SPAG16: variants seen among roughly 807,000 people sequenced by gnomAD.
SPAG16 encodes sperm-associated antigen 16 protein.
In SPAG16, 86 loss-of-function variants were observed where a neutral mutation model predicts 80.4. The ratio of observed to expected loss-of-function variants is 1.07; its 90% CI spans 0.90 to 1.28. SPAG16 has a LOEUF of 1.28. Among genes scored for constraint, SPAG16 ranks in the 50% most tolerant of loss-of-function variants. The pLI, the probability that SPAG16 is intolerant of heterozygous loss-of-function variation, is 0.00. For missense variants in SPAG16, 870 were observed against 765.3 expected, an observed-to-expected ratio of 1.14 and a Z score of -1.61; for synonymous variants, 294 against 265.9, an observed-to-expected ratio of 1.11 and a Z score of -1.03.
chr2:214,337,642 G>T (rs1235987079), intron 15 of SPAG16, among the ~76,000 whole-genome samples: 1 of 152,148 alleles, frequency 6.6e-6, no homozygotes, highest in African/African-American at 2.4e-5. Flanking sequence ...ACAGGAAAGT[G>T]CATGGCTATA....
Position 213,375,128 on chromosome 2 carries a change from T to C in SPAG16, c.942+9T>C, listed in dbSNP as rs1426205347. On this transcript the variant is annotated intron_variant, in intron 9 of 15. Coordinates refer to ENST00000331683, the MANE Select transcript of SPAG16 (RefSeq NM_024532.5). ...TGAAAGGCAATACAAAGGTATGATA[T>C]TTGTTTTTGTTTGCATTAAGTCATA... 3 of 1,557,916 alleles carry C rather than the reference T, an allele frequency of 1.9e-6. No individual in the cohort carries two copies. Among genetic ancestry groups the C allele is most frequent in the East Asian group, 2.3e-5 (1 of 44,348 alleles).
chr2:213,372,763 C>T (rs2066704663), intron 8 of SPAG16, among the ~76,000 whole-genome samples: 1 of 151,990 alleles, frequency 6.6e-6, no homozygotes, highest in Non-Finnish European at 1.5e-5. Context: ...TTAAAAAATT[C>T]TCTTTTCAGT....
chr2:213,301,824 C>A (rs1476257717), intron 3 of SPAG16, among the ~76,000 whole-genome samples: 3 of 152,124 alleles, frequency 2.0e-5, no homozygotes, highest in Non-Finnish European at 4.4e-5. Context: ...AGACCCTGAG[C>A]CTTAATGGAT....
At chr2:213,983,427 G>A (rs1043364556) in intron 12 of SPAG16, among the ~76,000 whole-genome samples, 1 of 151,804 alleles carries the variant, frequency 6.6e-6, no homozygotes, top group Non-Finnish European at 1.5e-5. Context: ...TTGGTTTCTG[G>A]ATAAGATTTT....
At chr2:213,811,010 G>T (rs1375876348) in intron 10 of SPAG16, among the ~76,000 whole-genome samples, 1 of 152,126 alleles carries the variant, frequency 6.6e-6, no homozygotes, top group Non-Finnish European at 1.5e-5. Flanking sequence ...TGGAAAACAA[G>T]GGTGTAGTAG....
chr2:213,764,796 A>C (rs2068845194), intron 10 of SPAG16, among the ~76,000 whole-genome samples: 2 of 152,182 alleles, frequency 1.3e-5, no homozygotes, highest in South Asian at 4.1e-4. Context: ...TGAAGTATGT[A>C]ATATATTCAA....
In SPAG16 at chr2:213,557,108, T is replaced by A. The variant is rs920642346; in HGVS notation, c.1070+67018T>A. The stretch of plus-strand genomic sequence containing the variant: ...TGTTATTTGTGGGTTTTTTTCTCAG[T>A]AAATAAGTTGTATTTTCCAGTCAGG... On this transcript the variant is annotated intron_variant, in intron 10 of 15. Transcript: ENST00000331683. Among the ~76,000 whole-genome samples the A allele has an allele frequency of 3.3e-5, 5 of 152,256 alleles. No individual in the cohort carries two copies. The East Asian group carries it at 9.6e-4, about 29-fold the overall frequency.
intron 5 of SPAG16, among the ~76,000 whole-genome samples, chr2:213,324,821 C>G (rs2063773972): frequency 1.3e-5 from 2 of 152,198 alleles, no homozygotes; most frequent in South Asian, 4.1e-4. Flanking sequence ...CGTACATATT[C>G]CCACATTCAA....
intron 10 of SPAG16, among the ~76,000 whole-genome samples, chr2:213,765,276 G>A (rs921080940): frequency 5.9e-5 from 9 of 152,170 alleles, no homozygotes; most frequent in Non-Finnish European, 1.3e-4. Context: ...GACTGAGGCA[G>A]GCGAATTGCT....
chr2:214,037,718 A>G (rs1261354861), intron 13 of SPAG16, among the ~76,000 whole-genome samples: 1 of 152,126 alleles, frequency 6.6e-6, no homozygotes, highest in Non-Finnish European at 1.5e-5. Flanking sequence ...ATAGATATTG[A>G]TAGTTGTCAT....
chr2:213,724,345 T>C (rs1449591477), intron 10 of SPAG16, among the ~76,000 whole-genome samples: 1 of 152,170 alleles, frequency 6.6e-6, no homozygotes, highest in South Asian at 2.1e-4. Flanking sequence ...TGACAGAAAT[T>C]GGTAACTTTA....
chr2:214,037,844 GTTA>G (rs1340227276), intron 13 of SPAG16, among the ~76,000 whole-genome samples: 2 of 145,300 alleles, frequency 1.4e-5, no homozygotes, highest in Non-Finnish European at 3.0e-5. Flanking sequence ...CCTTTGCTCT[GTTA>G]TTATTCCCAG....
chr2:213,825,759 C>G (rs1479142429), intron 10 of SPAG16, among the ~76,000 whole-genome samples: 6 of 133,778 alleles, frequency 4.5e-5, no homozygotes, highest in Non-Finnish European at 1.5e-5. Flanking sequence ...TCATGGTTAA[C>G]AGTGGACTCA....
intron 13 of SPAG16, among the ~76,000 whole-genome samples, chr2:214,042,001 T>TATATAC (rs1559725970): frequency 1.6e-5 from 2 of 127,338 alleles, no homozygotes; most frequent in Admixed American, 7.8e-5. Context: ...TATATATATA[T>TATATAC]ATATATACAC....
Position 213,689,528 on chromosome 2 carries a change from C to CTT in SPAG16, c.1071-172931_1071-172930dup, listed in dbSNP as rs397873153. 8.7e-4 allele frequency among the ~76,000 whole-genome samples: 47 copies of CTT among 54,236 alleles called. 5 individuals are homozygous for CTT. Among genetic ancestry groups the CTT allele is most frequent in the East Asian group, 2.3e-3 (3 of 1,324 alleles). 35.6% of individuals were successfully genotyped at this position (54,236 alleles called of 152,430 possible). A position where few individuals can be genotyped will look rare whatever the true frequency, so the allele number is the denominator to read the frequency against. On this transcript the variant is annotated intron_variant, in intron 10 of 15. Coordinates refer to ENST00000331683, the MANE Select transcript of SPAG16 (RefSeq NM_024532.5). ...CTTAGAACAGAATTTAGTGCTGGGG[C>CTT]TTTTTTTTTTTTTTTTTTTTTTTTT...
intron 14 of SPAG16, among the ~76,000 whole-genome samples, chr2:214,144,947 T>C (rs953588029): frequency 1.3e-5 from 2 of 152,016 alleles, no homozygotes; most frequent in Non-Finnish European, 2.9e-5. Flanking sequence ...GGGACTTTCA[T>C]AGAAAAAATT....
intron 15 of SPAG16, among the ~76,000 whole-genome samples, chr2:214,346,707 C>T (rs558775272): frequency 2.6e-5 from 4 of 152,154 alleles, no homozygotes; most frequent in African/African-American, 4.8e-5. Flanking sequence ...GCTCAATTCC[C>T]GTGAGACTAC....
chr2:213,682,951 C>T (rs116507711), intron 10 of SPAG16, among the ~76,000 whole-genome samples: 1,526 of 152,226 alleles, frequency 0.01, 15 homozygotes, highest in Admixed American at 0.014. Context: ...ATAAGTATGG[C>T]TATTTTGTCT....
intron 12 of SPAG16, among the ~76,000 whole-genome samples, chr2:213,930,559 T>C (rs2078705570): frequency 6.6e-6 from 1 of 152,254 alleles, no homozygotes; most frequent in Admixed American, 6.5e-5. Context: ...TTATTTTCTT[T>C]ATGCTTAATT....
Sources: allele counts gnomAD v4.1 joint callset (sites outside exome capture counted in the v4.1 genomes callset), GRCh38; gene constraint gnomAD v4.1.1; transcripts MANE v1.5; gene names NCBI Gene and HGNC (gene_info 2026-07-23, HGNC 2026-07-21).